Variants in LDLRAD3 observed in about 807,000 individuals in gnomAD.
LDLRAD3 encodes the protein low-density lipoprotein receptor class A domain-containing protein 3.
Under a neutral mutation model 29.4 loss-of-function variants are expected in LDLRAD3, and 20 were observed. That is an observed-to-expected ratio of 0.68 (90% CI 0.48 to 0.99). The LOEUF is 0.99. Ranked by LOEUF, LDLRAD3 falls within the 50% of genes least tolerant of loss-of-function variation. The probability of loss-of-function intolerance (pLI) is 0.00; values close to 1 mark genes in which losing one functional copy is unlikely to be tolerated. For synonymous variants in LDLRAD3, 157 were observed against 192.7 expected (o/e 0.81, Z 1.53); for missense variants, 420 against 454.3 (o/e 0.92, Z 0.69).
At chr11:36,045,722 GTT>G (rs34312180) in intron 2 of LDLRAD3, among the ~76,000 whole-genome samples, 6 of 138,646 alleles carry the variant, frequency 4.3e-5, no homozygotes, top group East Asian at 2.1e-4. Flanking sequence ...GATCTGATGG[GTT>G]TTTTTTTTTT....
chr11:36,109,286 T>G (rs1853574526), intron 4 of LDLRAD3, among the ~76,000 whole-genome samples: 2 of 149,894 alleles, frequency 1.3e-5, no homozygotes, highest in South Asian at 4.2e-4. Context: ...CTGCGTGGAC[T>G]GGGGGCCTGG....
chr11:36,066,202 G>A (rs1374060067), intron 2 of LDLRAD3, among the ~76,000 whole-genome samples: 1 of 149,350 alleles, frequency 6.7e-6, no homozygotes, highest in Non-Finnish European at 1.5e-5. Context: ...CTTGTTAGGA[G>A]TCATCCCTTA....
chr11:36,099,983 C>T (rs918795665), intron 4 of LDLRAD3, among the ~76,000 whole-genome samples: 5 of 152,106 alleles, frequency 3.3e-5, no homozygotes, highest in East Asian at 1.9e-4. Flanking sequence ...ATCCTCAGTC[C>T]GGGAGCATCA....
At chr11:36,086,231 A>G (rs1056631057) in intron 3 of LDLRAD3, among the ~76,000 whole-genome samples, 1 of 152,170 alleles carries the variant, frequency 6.6e-6, no homozygotes, top group African/African-American at 2.4e-5. Context: ...TATAACTTCA[A>G]CATCTGTGTC....
chr11:36,108,618 A>G (rs1387403571), intron 4 of LDLRAD3, among the ~76,000 whole-genome samples: 1 of 152,050 alleles, frequency 6.6e-6, no homozygotes, highest in Non-Finnish European at 1.5e-5. Context: ...AGGATGGGGA[A>G]GAGTTACTGG....
chr11:36,130,799 TGAGA>T (rs1853914791), intron 4 of LDLRAD3, among the ~76,000 whole-genome samples: 1 of 152,218 alleles, frequency 6.6e-6, no homozygotes, highest in Admixed American at 6.5e-5. Context: ...AGGCTGAGGC[TGAGA>T]GAGTTGCCCA....
intron 4 of LDLRAD3, among the ~76,000 whole-genome samples, chr11:36,165,512 C>T (rs1341118539): frequency 6.6e-6 from 1 of 151,860 alleles, no homozygotes; most frequent in Admixed American, 6.6e-5. Flanking sequence ...ACCTTTTTTT[C>T]ATCACGTAAT....
chr11:36,136,264 A>G (rs1387395596), intron 4 of LDLRAD3, among the ~76,000 whole-genome samples: 1 of 152,206 alleles, frequency 6.6e-6, no homozygotes, highest in Admixed American at 6.5e-5. Context: ...ACACTGTCTT[A>G]GGTAGACTTC....
At chr11:36,161,586 A>G (rs904433652) in intron 4 of LDLRAD3, among the ~76,000 whole-genome samples, 1 of 77,024 alleles carries the variant, frequency 1.3e-5, no homozygotes, top group Admixed American at 1.6e-4. Flanking sequence ...GGATGGATGG[A>G]TGGATGGATG....
At chr11:36,023,835 C>T (rs1284846972) in intron 1 of LDLRAD3, among the ~76,000 whole-genome samples, 1 of 152,154 alleles carries the variant, frequency 6.6e-6, no homozygotes, top group Non-Finnish European at 1.5e-5. Flanking sequence ...ACCTGCTTTA[C>T]AGCTTTATAG....
At position 36,098,113 on chromosome 11, in the gene LDLRAD3, T is replaced by C. The variant is rs576567995; in HGVS notation, c.320-214T>C. ...TTACTTAACCAGAGTGGCAGATCTC[T>C]CCAAAGACCCCCAGGAGGTTTTAGA... On this transcript the variant is annotated intron_variant, in intron 3 of 5. Coordinates refer to ENST00000315571, the MANE Select transcript of LDLRAD3 (RefSeq NM_174902.4). 8.5e-5 allele frequency among the ~76,000 whole-genome samples: 13 copies of C among 152,290 alleles called. No individual in the cohort carries two copies. In the South Asian group the frequency reaches 2.7e-3, roughly 32 times the overall value.
At chr11:36,080,018 G>C (rs1853086153) in intron 2 of LDLRAD3, among the ~76,000 whole-genome samples, 1 of 152,190 alleles carries the variant, frequency 6.6e-6, no homozygotes, top group East Asian at 1.9e-4. Context: ...AAGCCACATG[G>C]GTTTTTGAAA....
intron 4 of LDLRAD3, among the ~76,000 whole-genome samples, chr11:36,144,637 A>G (rs1165252466): frequency 1.8e-5 from 2 of 112,392 alleles, no homozygotes; most frequent in Non-Finnish European, 3.6e-5. Flanking sequence ...GAGAAGTGAG[A>G]AGCCCCTCCG....
chr11:36,155,413 T>G (rs1286876440), intron 4 of LDLRAD3, among the ~76,000 whole-genome samples: 1 of 152,178 alleles, frequency 6.6e-6, no homozygotes, highest in African/African-American at 2.4e-5. Flanking sequence ...TAAAACTTTG[T>G]TTGGAGAGAG....
chr11:36,162,461 A>G (rs577243973), intron 4 of LDLRAD3, among the ~76,000 whole-genome samples: 2 of 152,274 alleles, frequency 1.3e-5, no homozygotes, highest in South Asian at 2.1e-4. Flanking sequence ...AGCTTGCAAT[A>G]GACTTGTTGA....
chr11:35,952,973 G>A (rs531612732), intron 1 of LDLRAD3, among the ~76,000 whole-genome samples: 68 of 152,266 alleles, frequency 4.5e-4, no homozygotes, highest in African/African-American at 1.6e-3. Flanking sequence ...AAACTAAGGG[G>A]CTCTTGTGCG....
At chr11:35,953,876 T>G (rs1851168584) in intron 1 of LDLRAD3, among the ~76,000 whole-genome samples, 1 of 152,102 alleles carries the variant, frequency 6.6e-6, no homozygotes, top group South Asian at 2.1e-4. Context: ...TGGCATAAGC[T>G]TGATTAAAAA....
chr11:36,130,994 G>A (rs34874551), intron 4 of LDLRAD3, among the ~76,000 whole-genome samples: 1 of 152,082 alleles, frequency 6.6e-6, no homozygotes, highest in Non-Finnish European at 1.5e-5. Flanking sequence ...CACAACCCAG[G>A]TGAGACCAGG....
rs944147604 is a variant in LDLRAD3, at chr11:35,998,530, ACAAT to A, written c.47-37569_47-37566del. Among the ~76,000 whole-genome samples, 10 of 152,324 alleles carry A rather than the reference ACAAT, an allele frequency of 6.6e-5. No homozygotes were observed. The East Asian group carries it at 9.7e-4, about 15-fold the overall frequency. The stretch of plus-strand genomic sequence containing the variant: ...CAGGCTGATCTAAACAAACAAACAA[ACAAT>A]CAAACAACAAAACAAAAAACAGTCC... On this transcript the variant is annotated intron_variant, in intron 1 of 5. Transcript: ENST00000315571.
Sources: gnomAD v4.1 joint callset for allele counts (sites outside exome capture counted in the v4.1 genomes callset) on GRCh38, gnomAD v4.1.1 for gene constraint, MANE v1.5 for transcripts, NCBI Gene and HGNC (gene_info 2026-07-23, HGNC 2026-07-21) for gene names.